Variants in GTSE1 observed in about 807,000 individuals in gnomAD.
GTSE1 encodes the protein G2 and S-phase expressed 1.
Under a neutral mutation model 60.5 loss-of-function variants are expected in GTSE1, and 52 were observed. The ratio of observed to expected loss-of-function variants is 0.86; its 90% CI spans 0.69 to 1.08. The LOEUF (loss-of-function observed/expected upper bound fraction) is 1.08. Among genes scored for constraint, GTSE1 ranks in the 50% least tolerant of loss-of-function variants. The probability of loss-of-function intolerance (pLI) is 0.00; values close to 1 mark genes in which losing one functional copy is unlikely to be tolerated. For missense variants in GTSE1, 937 were observed against 961.8 expected (o/e 0.97, Z 0.34); for synonymous variants, 368 against 386.5 (o/e 0.95, Z 0.56).
At position 46,323,213 on chromosome 22, in the gene GTSE1, C is replaced by A; in HGVS notation, c.1456C>A (p.Pro486Thr). The change falls in exon 8 of 12, where the codon CCA becomes ACA. Residue 486 changes from proline to threonine, a missense_variant. Coordinates refer to ENST00000454366, the MANE Select transcript of GTSE1 (RefSeq NM_016426.7). The stretch of plus-strand genomic sequence containing the variant: ...AGGTGACTCCCCGGACAGCTCAACA[C>A]CAAAGCTTTCGCGGGCACAGCGGCC... Reference protein sequence around the residue: ...SIGDSPDSSTPKLSRAQRPQS... With the variant: ...SIGDSPDSSTTKLSRAQRPQS... 1 of 1,614,052 alleles carries A rather than the reference C, an allele frequency of 6.2e-7. No homozygotes were observed. Among genetic ancestry groups the A allele is most frequent in the Non-Finnish European group, 8.5e-7 (1 of 1,179,854 alleles).
chr22:46,306,631 C>T (rs567220735), intron 2 of GTSE1, among the ~76,000 whole-genome samples: 10 of 152,276 alleles, frequency 6.6e-5, no homozygotes, highest in Admixed American at 2.0e-4. Flanking sequence ...CAGGTGCACA[C>T]CACCACGCTC....
rs746394850 is a variant in GTSE1, at chr22:46,316,222, C to G, written c.1242C>G (p.Pro414=). ...CAGCGGAGCAGCTCACGGCACCCCCCTCAGCATCCCCCACCCAACCCCAGA... is the reference window on the plus strand; with the variant it reads ...CAGCGGAGCAGCTCACGGCACCCCCGTCAGCATCCCCCACCCAACCCCAGA... The part of the protein sequence containing the change: ...ELAAEQLTAP[P]SASPTQPQTP... Residue 414 remains proline, a synonymous_variant, in exon 7 of 12, where the codon CCC becomes CCG. Coordinates refer to ENST00000454366, the MANE Select transcript of GTSE1 (RefSeq NM_016426.7). This position sits in a 1 kb window ranked among gnomAD's most constrained non-coding sequence, Gnocchi z 5.0. 7 of 1,613,722 alleles carry G rather than the reference C, an allele frequency of 4.3e-6. No individual in the cohort carries two copies. The Admixed American group carries it at 6.7e-5, about 15-fold the overall frequency.
In GTSE1 at chr22:46,314,108, A is replaced by T; in HGVS notation, c.1051+95A>T. 6.7e-7 allele frequency: 1 copy of T among 1,494,050 alleles called. No homozygotes were observed. The highest frequency in any genetic ancestry group is 1.7e-5 in the Admixed American group (1 of 58,350). The allele number at this position is 1,494,050 out of a possible 1,614,324, so 92.5% of individuals were successfully genotyped here. A position where few individuals can be genotyped will look rare whatever the true frequency, so the allele number is the denominator to read the frequency against. ...GGAGACTGTTTCTGCAGAACCACTT[A>T]GGCTTGGCAGGACGTCCCGGAGGGC... On this transcript the variant is annotated intron_variant, in intron 6 of 11. Coordinates refer to ENST00000454366, the MANE Select transcript of GTSE1 (RefSeq NM_016426.7). The surrounding 1 kb of genome is among the most constrained non-coding windows in gnomAD (Gnocchi z 7.1).
chr22:46,300,515 C>G (rs1012718055), intron 2 of GTSE1, among the ~76,000 whole-genome samples: 6 of 152,216 alleles, frequency 3.9e-5, no homozygotes, highest in Non-Finnish European at 8.8e-5. Flanking sequence ...TTCACCTCTT[C>G]CAGCCACTCT....
chr22:46,323,250 C>A lies in GTSE1; in HGVS notation c.1493C>A (p.Thr498Lys), dbSNP rs756112238. ...LSRAQRPQSC[T>K]SVGRVTVHST... Reference sequence around the variant, plus strand: ...CGGGCACAGCGGCCGCAGTCGTGCACGTCAGTTGGCAGGTGAGTGACGTTG... The same window carrying A: ...CGGGCACAGCGGCCGCAGTCGTGCAAGTCAGTTGGCAGGTGAGTGACGTTG... The change falls in exon 8 of 12, where the codon ACG (threonine) becomes AAG (lysine). Residue 498 changes from threonine (T) to lysine (K), a missense_variant. Physicochemically the swap from Thr to Lys is moderately conservative, Grantham distance 78. Transcript: ENST00000454366. 6 of 1,613,094 alleles carry A rather than the reference C, an allele frequency of 3.7e-6. No homozygotes were observed. Among genetic ancestry groups the A allele is most frequent in the Non-Finnish European group, 5.1e-6 (6 of 1,179,154 alleles).
At chr22:46,323,314 C>G in intron 8 of GTSE1, 52 bp downstream of exon 8, 1 of 1,321,624 alleles carries the variant, frequency 7.6e-7, no homozygotes, top group Non-Finnish European at 1.1e-6. Flanking sequence ...ATGACTCACG[C>G]ATCTGCTTAC....
intron 7 of GTSE1, among the ~76,000 whole-genome samples, chr22:46,322,264 G>A (rs538555628): frequency 6.6e-6 from 1 of 151,506 alleles, no homozygotes; most frequent in Admixed American, 6.6e-5. Flanking sequence ...AGAGAGAGGG[G>A]CTGTCTGTGG....
At position 46,297,202 on chromosome 22, in the gene GTSE1, G is replaced by A. The variant is rs1257305327; in HGVS notation, c.-21-178G>A. On this transcript the variant is annotated intron_variant, in intron 1 of 11. Transcript: ENST00000454366. The surrounding 1 kb of genome is among the most constrained non-coding windows in gnomAD (Gnocchi z 4.9). Reference sequence around the variant, plus strand: ...CGTTCGGGCTGACTCCCGGCCTGGCGGCACTCGGGCCCTGGGGTCCCCTGG... The same window carrying A: ...CGTTCGGGCTGACTCCCGGCCTGGCAGCACTCGGGCCCTGGGGTCCCCTGG... 6.6e-6 allele frequency among the ~76,000 whole-genome samples: 1 copy of A among 152,178 alleles called. No individual in the cohort carries two copies. Among genetic ancestry groups the A allele is most frequent in the Non-Finnish European group, 1.5e-5 (1 of 68,026 alleles).
In GTSE1 at chr22:46,316,790, G is replaced by C. The variant is rs2077783781; in HGVS notation, c.1432+378G>C. Among the ~76,000 whole-genome samples the C allele has an allele frequency of 6.6e-6, 1 of 151,960 alleles. No homozygotes were observed. The highest frequency in any genetic ancestry group is 2.1e-4 in the South Asian group (1 of 4,822). ...TTTTTCAGCAAATTTGGAAAACGTT[G>C]GCCATTATTTCTTCAGCTATCTTTT... On this transcript the variant is annotated intron_variant, in intron 7 of 11. Coordinates refer to ENST00000454366, the MANE Select transcript of GTSE1 (RefSeq NM_016426.7). This position sits in a 1 kb window ranked among gnomAD's most constrained non-coding sequence, Gnocchi z 5.0.
rs1377190115 is a variant in GTSE1, at chr22:46,324,458, C to T, written c.1505+1196C>T. 1.3e-5 allele frequency among the ~76,000 whole-genome samples: 2 copies of T among 152,138 alleles called. No individual in the cohort carries two copies. The highest frequency in any genetic ancestry group is 2.9e-5 in the Non-Finnish European group (2 of 68,028). ...TCTCAGCTCATGGTAAGCTCCGCCT[C>T]CTGGATTCACGCCATTCTCCTGCCT... On this transcript the variant is annotated intron_variant, in intron 8 of 11. Transcript: ENST00000454366. The surrounding 1 kb of genome is among the most constrained non-coding windows in gnomAD (Gnocchi z 5.2).
Position 46,308,713 on chromosome 22 carries a change from G to A in GTSE1, c.532G>A (p.Val178Met), listed in dbSNP as rs35141277. The change falls in exon 4 of 12, where the codon GTG becomes ATG. Residue 178 changes from valine (V) to methionine (M), a missense_variant. By Grantham distance (21) the Val-to-Met change is conservative. Coordinates refer to ENST00000454366, the MANE Select transcript of GTSE1 (RefSeq NM_016426.7). ...AGACAGCCCCTTGCTGGGGCCCCCT[G>A]TGGGTGAGCCTCGGCTCTTGGCCTC... ...LSDSPLLGPP[V>M]GEPRLLASSP... 39 of 1,613,580 alleles carry A rather than the reference G, an allele frequency of 2.4e-5. No individual in the cohort carries two copies. The highest frequency in any genetic ancestry group is 4.0e-5 in the African/African-American group (3 of 74,954).
intron 2 of GTSE1, among the ~76,000 whole-genome samples, chr22:46,307,461 G>T (rs969612884): frequency 3.2e-4 from 48 of 152,086 alleles, no homozygotes; most frequent in Admixed American, 2.3e-3. Flanking sequence ...TAAAAGTAAG[G>T]ACCTAAGCTT....
At chr22:46,306,536 A>C (rs965677378) in intron 2 of GTSE1, among the ~76,000 whole-genome samples, 1 of 151,926 alleles carries the variant, frequency 6.6e-6, no homozygotes, top group South Asian at 2.1e-4. Context: ...GCTGGAGTGC[A>C]GTGGCGCAAT....
At position 46,304,044 on chromosome 22, in the gene GTSE1, A is replaced by G. The variant is rs569968050; in HGVS notation, c.80-4106A>G. Among the ~76,000 whole-genome samples, 3 of 152,144 alleles carry G rather than the reference A, an allele frequency of 2.0e-5. No homozygotes were observed. Among genetic ancestry groups the G allele is most frequent in the Admixed American group, 6.5e-5 (1 of 15,276 alleles). ...GTTTTGAGACAGTGTCTCTTGCTCT[A>G]TTGCCCAGGATGGAGTGCAGTGGCT... On this transcript the variant is annotated intron_variant, in intron 2 of 11. Coordinates refer to ENST00000454366, the MANE Select transcript of GTSE1 (RefSeq NM_016426.7). This position sits in a 1 kb window ranked among gnomAD's most constrained non-coding sequence, Gnocchi z 4.4.
chr22:46,324,446 T>C lies in GTSE1; in HGVS notation c.1505+1184T>C, dbSNP rs2077832387. Among the ~76,000 whole-genome samples the C allele has an allele frequency of 1.3e-5, 2 of 152,024 alleles. No homozygotes were observed. The highest frequency in any genetic ancestry group is 4.8e-5 in the African/African-American group (2 of 41,388). ...GCAGTGGCACGATCTCAGCTCATGGTAAGCTCCGCCTCCTGGATTCACGCC... is the reference window on the plus strand; with the variant it reads ...GCAGTGGCACGATCTCAGCTCATGGCAAGCTCCGCCTCCTGGATTCACGCC... On this transcript the variant is annotated intron_variant, in intron 8 of 11. Coordinates refer to ENST00000454366, the MANE Select transcript of GTSE1 (RefSeq NM_016426.7). This position sits in a 1 kb window ranked among gnomAD's most constrained non-coding sequence, Gnocchi z 5.2.
rs1421689691 is a variant in GTSE1 at position 46,319,325 on chromosome 22, G to T, written c.1432+2913G>T. 6.6e-6 allele frequency among the ~76,000 whole-genome samples: 1 copy of T among 152,156 alleles called. No individual in the cohort carries two copies. Among genetic ancestry groups the T allele is most frequent in the Non-Finnish European group, 1.5e-5 (1 of 68,024 alleles). ...ACAGAGGGAAGAGCAGAGTCTCTGGGCCGAAGAGTGGTGGGGAGGGTAATG... is the reference window on the plus strand; with the variant it reads ...ACAGAGGGAAGAGCAGAGTCTCTGGTCCGAAGAGTGGTGGGGAGGGTAATG... On this transcript the variant is annotated intron_variant, in intron 7 of 11. Coordinates refer to ENST00000454366, the MANE Select transcript of GTSE1 (RefSeq NM_016426.7). This position sits in a 1 kb window ranked among gnomAD's most constrained non-coding sequence, Gnocchi z 5.0.
Position 46,326,559 on chromosome 22 carries a change from G to A in GTSE1, c.1629G>A (p.Pro543=), listed in dbSNP as rs142755990. 492 of 1,613,994 alleles carry A rather than the reference G, an allele frequency of 3.0e-4. 1 individual carries two copies. Among genetic ancestry groups the A allele is most frequent in the Non-Finnish European group, 3.9e-4 (463 of 1,180,002 alleles). ...PASRRCSGLP[P]MTPKTMPRAV... is the part of the protein sequence containing the mutation. ...GCCGGCGCTGCTCTGGCCTTCCACCGATGACCCCCAAAACGATGCCCAGGG... is the reference window on the plus strand; with the variant it reads ...GCCGGCGCTGCTCTGGCCTTCCACCAATGACCCCCAAAACGATGCCCAGGG... The change falls in exon 9 of 12, where the codon CCG becomes CCA. Residue 543 remains proline (P), a synonymous_variant. Coordinates refer to ENST00000454366, the MANE Select transcript of GTSE1 (RefSeq NM_016426.7).
chr22:46,305,098 G>GT (rs2077708771), intron 2 of GTSE1, among the ~76,000 whole-genome samples: 1 of 152,028 alleles, frequency 6.6e-6, no homozygotes, highest in Non-Finnish European at 1.5e-5. Context: ...AAGTTGGAAA[G>GT]TTTTTTTTCT....
rs779759409 is a variant in GTSE1, at chr22:46,316,073, C to A, written c.1093C>A (p.Arg365=). Residue 365 remains arginine, a synonymous_variant, in exon 7 of 12, where the codon CGG becomes AGG. Coordinates refer to ENST00000454366, the MANE Select transcript of GTSE1 (RefSeq NM_016426.7). The surrounding 1 kb of genome is among the most constrained non-coding windows in gnomAD (Gnocchi z 5.0). The part of the protein sequence containing the change: ...EFASIPANSS[R]PLSNISKSGR... The stretch of plus-strand genomic sequence containing the variant: ...TGCAAGTATTCCTGCAAATAGCTCC[C>A]GGCCTCTGTCAAACATCAGCAAGTC... 2.6e-6 allele frequency: 4 copies of A among 1,532,208 alleles called. No individual in the cohort carries two copies. The allele number at this position is 1,532,208 out of a possible 1,614,324, so 94.9% of individuals were successfully genotyped here. A position where few individuals can be genotyped will look rare whatever the true frequency, so the allele number is the denominator to read the frequency against.
Sources: gnomAD v4.1 joint callset for allele counts (sites outside exome capture counted in the v4.1 genomes callset) on GRCh38, gnomAD v4.1.1 for gene constraint, Gnocchi (gnomAD v3.1) non-coding constraint, MANE v1.5 for transcripts, NCBI Gene and HGNC (gene_info 2026-07-23, HGNC 2026-07-21) for gene names.